The following MMP14 variants were observed in gnomAD, a reference collection of about 807,000 sequenced individuals.
The protein encoded by MMP14 is matrix metalloproteinase-14.
MMP14 carries 13 observed loss-of-function variants against 64.8 expected under a neutral mutation model. That is an observed-to-expected ratio of 0.20 (90% CI 0.13 to 0.32). MMP14 has a LOEUF of 0.32. MMP14 is among the 10% of genes least tolerant of loss of function. The probability of loss-of-function intolerance (pLI) is 1.00; values close to 1 mark genes in which losing one functional copy is unlikely to be tolerated. For synonymous variants in MMP14, 322 were observed against 315.9 expected (o/e 1.02, Z -0.20); for missense variants, 594 against 783.8 (o/e 0.76, Z 2.89).
chr14:22,839,596 G>T (rs931080132), intron 1 of MMP14, among the ~76,000 whole-genome samples: 11 of 151,960 alleles, frequency 7.2e-5, no homozygotes, highest in African/African-American at 1.9e-4. Context: ...CATCAGCCTT[G>T]GGGGGGGATC....
intron 1 of MMP14, among the ~76,000 whole-genome samples, chr14:22,840,186 C>T (rs1462037426): frequency 1.3e-5 from 2 of 151,956 alleles, no homozygotes; most frequent in African/African-American, 2.4e-5. Flanking sequence ...AGGCTGGTCT[C>T]GAACTCCTGA....
At chr14:22,838,806 T>C (rs1446122502) in intron 1 of MMP14, among the ~76,000 whole-genome samples, 1 of 152,108 alleles carries the variant, frequency 6.6e-6, no homozygotes, top group Admixed American at 6.5e-5. Context: ...CTCTCTTCTG[T>C]GGTTTCGACC....
At position 22,844,413 on chromosome 14, in the gene MMP14, G is replaced by A. The variant is rs755052235; in HGVS notation, c.1054G>A (p.Gly352Arg). 2.5e-6 allele frequency: 4 copies of A among 1,614,132 alleles called. No individual in the cohort carries two copies. The highest frequency in any genetic ancestry group is 3.4e-6 in the Non-Finnish European group (4 of 1,179,990). The change falls in exon 7 of 10, where the codon GGA (glycine) becomes AGA (arginine). Residue 352 changes from glycine to arginine, a missense_variant. By Grantham distance (125) the Gly-to-Arg change is moderately radical. Coordinates refer to ENST00000311852, the MANE Select transcript of MMP14 (RefSeq NM_004995.4). Reference protein sequence around the residue: ...WRVRNNQVMDGYPMPIGQFWR... With the variant: ...WRVRNNQVMDRYPMPIGQFWR... The stretch of plus-strand genomic sequence containing the variant: ...GGTGAGGAATAACCAAGTGATGGAT[G>A]GATACCCAATGCCCATTGGCCAGTT...
In MMP14 at chr14:22,847,379, C is replaced by T. The variant is rs1472689222; in HGVS notation, c.*1340C>T. 2.3e-5 allele frequency: 3 copies of T among 130,148 alleles called. No individual in the cohort carries two copies. Among genetic ancestry groups the T allele is most frequent in the African/African-American group, 8.5e-5 (3 of 35,376 alleles). 8.1% of individuals were successfully genotyped at this position (130,148 alleles called of 1,614,324 possible). On this transcript the variant is annotated 3_prime_UTR_variant, in exon 10 of 10. Coordinates refer to ENST00000311852, the MANE Select transcript of MMP14 (RefSeq NM_004995.4). ...CCCCACCCAGCCCACCCATTGAAGT[C>T]TCCTTGGGCCACCAAAGGTGGTGGC...
rs1566483720 is a variant in MMP14 at position 22,846,462 on chromosome 14, G to C, written c.*423G>C. Reference sequence around the variant, plus strand: ...CTGAACTCTGACCTCAGGAGGCTCTGGGCACTCCAGCCCTGAAAGCCCCAG... The same window carrying C: ...CTGAACTCTGACCTCAGGAGGCTCTCGGCACTCCAGCCCTGAAAGCCCCAG... On this transcript the variant is annotated 3_prime_UTR_variant, in exon 10 of 10. Coordinates refer to ENST00000311852, the MANE Select transcript of MMP14 (RefSeq NM_004995.4). 1.1e-5 allele frequency: 2 copies of C among 174,744 alleles called. No homozygotes were observed. Among genetic ancestry groups the C allele is most frequent in the Non-Finnish European group, 2.4e-5 (2 of 82,916 alleles). The allele number at this position is 174,744 out of a possible 1,614,324, so 10.8% of individuals were successfully genotyped here.
Position 22,843,554 on chromosome 14 carries a change from T to C in MMP14, c.850+136T>C. On this transcript the variant is annotated intron_variant, in intron 5 of 9. Coordinates refer to ENST00000311852, the MANE Select transcript of MMP14 (RefSeq NM_004995.4). The surrounding 1 kb of genome is among the most constrained non-coding windows in gnomAD (Gnocchi z 4.8). ...TGCCCCTGCCTCTATCAGCTCCACT[T>C]TTGAGCCCATCTTTTGTGTCGCCTC... The C allele has an allele frequency of 7.2e-7, 1 of 1,386,724 alleles. No individual in the cohort carries two copies. The highest frequency in any genetic ancestry group is 9.8e-7 in the Non-Finnish European group (1 of 1,015,588). The allele number at this position is 1,386,724 out of a possible 1,614,324, so 85.9% of individuals were successfully genotyped here. A position where few individuals can be genotyped will look rare whatever the true frequency, so the allele number is the denominator to read the frequency against.
intron 1 of MMP14, chr14:22,837,317 CGA>C (rs1476926909): frequency 1.5e-5 from 7 of 466,530 alleles, no homozygotes; most frequent in African/African-American, 5.9e-5. Flanking sequence ...TCGTCATGCG[CGA>C]GAGTTTGTTG....
rs903572032 is a variant in MMP14 at position 22,838,069 on chromosome 14, G to T, written c.108+1144G>T. Reference sequence around the variant, plus strand: ...AATACTGTCTTCTCTCTGCGTCCCTGAAAGGGTCTGGGGCCGACTGGAAAA... The same window carrying T: ...AATACTGTCTTCTCTCTGCGTCCCTTAAAGGGTCTGGGGCCGACTGGAAAA... On this transcript the variant is annotated intron_variant, in intron 1 of 9. Coordinates refer to ENST00000311852, the MANE Select transcript of MMP14 (RefSeq NM_004995.4). Among the ~76,000 whole-genome samples, 6 of 152,342 alleles carry T rather than the reference G, an allele frequency of 3.9e-5. No homozygotes were observed. The South Asian group carries it at 1.2e-3, about 32-fold the overall frequency.
chr14:22,841,309 G>A (rs937559609), intron 1 of MMP14, among the ~76,000 whole-genome samples, 182 bp from the exon 2 acceptor site: 1 of 152,240 alleles, frequency 6.6e-6, no homozygotes, highest in Non-Finnish European at 1.5e-5. Flanking sequence ...ATAGCCCCGA[G>A]GGGCCTGGGC....
chr14:22,837,575 A>G (rs899143981), intron 1 of MMP14: 1 of 356,092 alleles, frequency 2.8e-6, no homozygotes, highest in Non-Finnish European at 5.5e-6. Context: ...CCGTACACAC[A>G]AAGCTCTCCT....
At chr14:22,840,489 G>A (rs970134367) in intron 1 of MMP14, among the ~76,000 whole-genome samples, 1 of 151,518 alleles carries the variant, frequency 6.6e-6, no homozygotes, top group Non-Finnish European at 1.5e-5. Flanking sequence ...CCACCCCTAT[G>A]TCCCACTTCC....
chr14:22,845,156 G>A, intron 8 of MMP14, 95 bp from the exon 9 acceptor site: 1 of 878,434 alleles, frequency 1.1e-6, no homozygotes. Flanking sequence ...CCTGTCCACA[G>A]CTATCCTTTG....
intron 8 of MMP14, 114 bp from the exon 9 acceptor site, chr14:22,845,137 T>C: frequency 1.5e-6 from 1 of 666,242 alleles, no homozygotes; most frequent in East Asian, 3.3e-5. Context: ...TCAAAACCCC[T>C]GTCCCCACCC....
Position 22,846,365 on chromosome 14 carries a change from C to A in MMP14, c.*326C>A. On this transcript the variant is annotated 3_prime_UTR_variant, in exon 10 of 10. Coordinates refer to ENST00000311852, the MANE Select transcript of MMP14 (RefSeq NM_004995.4). ...GGGGGCTCTGCACTTGAAGGCAGGACCCTCAGACCTCGCTGGTAAAGGTCA... is the reference window on the plus strand; with the variant it reads ...GGGGGCTCTGCACTTGAAGGCAGGAACCTCAGACCTCGCTGGTAAAGGTCA... 1 of 323,082 alleles carries A rather than the reference C, an allele frequency of 3.1e-6. No homozygotes were observed. The allele number at this position is 323,082 out of a possible 1,614,324, so 20.0% of individuals were successfully genotyped here. A position where few individuals can be genotyped will look rare whatever the true frequency, so the allele number is the denominator to read the frequency against.
rs1306808138 is a variant in MMP14, at chr14:22,843,234, C to T, written c.689-23C>T. On this transcript the variant is annotated intron_variant, in intron 4 of 9. Coordinates refer to ENST00000311852, the MANE Select transcript of MMP14 (RefSeq NM_004995.4). This position sits in a 1 kb window ranked among gnomAD's most constrained non-coding sequence, Gnocchi z 4.8. ...TGAGGGAAGGGACTCAGGCTGCTATCGTCACTGTCCCCATCCTTCCAGGAA... is the reference window on the plus strand; with the variant it reads ...TGAGGGAAGGGACTCAGGCTGCTATTGTCACTGTCCCCATCCTTCCAGGAA... 10 of 1,600,938 alleles carry T rather than the reference C, an allele frequency of 6.2e-6. 1 individual carries two copies. In the Middle Eastern group the frequency reaches 5.1e-4, roughly 81 times the overall value.
rs1286018291 is a variant in MMP14 at position 22,836,712 on chromosome 14, G to A, written c.-106G>A. 1 of 608,198 alleles carries A rather than the reference G, an allele frequency of 1.6e-6. No homozygotes were observed. The highest frequency in any genetic ancestry group is 2.8e-6 in the Non-Finnish European group (1 of 353,660). The allele number at this position is 608,198 out of a possible 1,614,324, so 37.7% of individuals were successfully genotyped here. A position where few individuals can be genotyped will look rare whatever the true frequency, so the allele number is the denominator to read the frequency against. On this transcript the variant is annotated 5_prime_UTR_variant, in exon 1 of 10. The change creates a new upstream start codon in the 5' untranslated region. Transcript: ENST00000311852. Reference sequence around the variant, plus strand: ...ACAGCGGTCTAGGAATTCAAGTTCAGTGCCTACCGAAGACAAAGGCGCCCC... The same window carrying A: ...ACAGCGGTCTAGGAATTCAAGTTCAATGCCTACCGAAGACAAAGGCGCCCC...
In MMP14 at chr14:22,842,090, T is replaced by C. The variant is rs188069583; in HGVS notation, c.380+55T>C. ...ACATCTGGTTATTATTTCCTACCCA[T>C]TGTGCTTATGCAGGGACTCAGAGAC... On this transcript the variant is annotated intron_variant, in intron 3 of 9. Coordinates refer to ENST00000311852, the MANE Select transcript of MMP14 (RefSeq NM_004995.4). This position sits in a 1 kb window ranked among gnomAD's most constrained non-coding sequence, Gnocchi z 5.3. The C allele has an allele frequency of 1.1e-4, 173 of 1,608,846 alleles. No homozygotes were observed. The African/African-American group carries it at 2.0e-3, about 19-fold the overall frequency.
Position 22,842,627 on chromosome 14 carries a change from G to T in MMP14, c.598G>T (p.Ala200Ser). 1 of 1,614,154 alleles carries T rather than the reference G, an allele frequency of 6.2e-7. No homozygotes were observed. The highest frequency in any genetic ancestry group is 8.5e-7 in the Non-Finnish European group (1 of 1,180,018). Residue 200 changes from alanine to serine, a missense_variant, in exon 4 of 10, where the codon GCC becomes TCC. Around this residue, in one of 4 missense-constraint regions of MMP14, gnomAD observed 179 missense variants for 283.4 expected, o/e 0.63. Coordinates refer to ENST00000311852, the MANE Select transcript of MMP14 (RefSeq NM_004995.4). This position sits in a 1 kb window ranked among gnomAD's most constrained non-coding sequence, Gnocchi z 5.3. Reference sequence around the variant, plus strand: ...CTTCGATGGTGAGGGCGGCTTCCTGGCCCATGCCTACTTCCCAGGCCCCAA... The same window carrying T: ...CTTCGATGGTGAGGGCGGCTTCCTGTCCCATGCCTACTTCCCAGGCCCCAA... The part of the protein sequence containing the change: ...TPFDGEGGFL[A>S]HAYFPGPNIG...
rs1157865119 is a variant in MMP14 at position 22,842,716 on chromosome 14, T to C, written c.687T>C (p.Asn229=). 17 of 1,594,036 alleles carry C rather than the reference T, an allele frequency of 1.1e-5. No homozygotes were observed. The highest frequency in any genetic ancestry group is 1.5e-5 in the Non-Finnish European group (17 of 1,167,106). The change falls in exon 4 of 10, where the codon AAT becomes AAC. Residue 229 remains asparagine (N), a splice_region_variant and synonymous_variant. Transcript: ENST00000311852. The surrounding 1 kb of genome is among the most constrained non-coding windows in gnomAD (Gnocchi z 5.3). Reference sequence around the variant, plus strand: ...GGACTGTCAGGAATGAGGATCTGAATGGTGAGCCAAGTATCCCTGGGACTT... The same window carrying C: ...GGACTGTCAGGAATGAGGATCTGAACGGTGAGCCAAGTATCCCTGGGACTT... ...EPWTVRNEDL[N]GNDIFLVAVH...
Sources: gnomAD v4.1 joint callset for allele counts (sites outside exome capture counted in the v4.1 genomes callset) on GRCh38, gnomAD v4.1.1 for gene constraint, gnomAD v4.1.1 regional missense constraint, Gnocchi (gnomAD v3.1) non-coding constraint, MANE v1.5 for transcripts, NCBI Gene and HGNC (gene_info 2026-07-23, HGNC 2026-07-21) for gene names.